The following ATP10A variants were observed in gnomAD, a reference collection of about 807,000 sequenced individuals.
ATP10A encodes the protein phospholipid-transporting ATPase VA.
Under a neutral mutation model 147.8 loss-of-function variants are expected in ATP10A, and 111 were observed. That is an observed-to-expected ratio of 0.75 (90% CI 0.64 to 0.88). The LOEUF is 0.88. Ranked by LOEUF, ATP10A falls within the 40% of genes least tolerant of loss-of-function variation. The pLI, the probability that ATP10A is intolerant of heterozygous loss-of-function variation, is 0.00. For synonymous variants in ATP10A, 875 were observed against 841.6 expected (o/e 1.04, Z -0.69); for missense variants, 1,927 against 1,959.0 (o/e 0.98, Z 0.31).
intron 1 of ATP10A, among the ~76,000 whole-genome samples, chr15:25,801,201 A>G (rs1890920540): frequency 6.6e-6 from 1 of 152,106 alleles, no homozygotes; most frequent in South Asian, 2.1e-4. Flanking sequence ...CCAAATGCCC[A>G]AGGCCACTCA....
chr15:25,673,962 T>G (rs1469400461), downstream of ATP10A, among the ~76,000 whole-genome samples: 1 of 152,158 alleles, frequency 6.6e-6, no homozygotes, highest in African/African-American at 2.4e-5. Context: ...AGTGGATATT[T>G]CCCGGCTCCA....
At chr15:25,803,175 C>G (rs897476648) in intron 1 of ATP10A, among the ~76,000 whole-genome samples, 1 of 152,164 alleles carries the variant, frequency 6.6e-6, no homozygotes, top group African/African-American at 2.4e-5. Context: ...AATAAGCAGA[C>G]AGCTGGCCAG....
intron 1 of ATP10A, among the ~76,000 whole-genome samples, chr15:25,821,833 C>A (rs1262570267): frequency 1.1e-4 from 17 of 152,178 alleles, no homozygotes; most frequent in Non-Finnish European, 5.9e-5. Flanking sequence ...CTCTGAATGG[C>A]AAAGAATCCT....
chr15:25,858,829 A>G (rs117060065), intron 1 of ATP10A, among the ~76,000 whole-genome samples: 1,936 of 152,246 alleles, frequency 0.013, 26 homozygotes, highest in Non-Finnish European at 0.014. Context: ...CTGGAGACAG[A>G]CACTGAAAGG....
intron 1 of ATP10A, among the ~76,000 whole-genome samples, chr15:25,804,438 GT>G (rs1254130233): frequency 7.5e-6 from 1 of 132,574 alleles, no homozygotes; most frequent in African/African-American, 3.5e-5. Context: ...TATGTGTGGT[GT>G]GTGTGTCTGT....
chr15:25,775,361 C>T (rs950000516), intron 2 of ATP10A, among the ~76,000 whole-genome samples: 2 of 152,184 alleles, frequency 1.3e-5, no homozygotes, highest in African/African-American at 2.4e-5. Flanking sequence ...GGGACTGACT[C>T]TCCTTTGTAA....
chr15:25,845,581 T>C (rs746520997), intron 1 of ATP10A, among the ~76,000 whole-genome samples: 11 of 152,096 alleles, frequency 7.2e-5, no homozygotes, highest in Non-Finnish European at 1.3e-4. Flanking sequence ...ACCCCACCCA[T>C]GCTGACAGCA....
intron 1 of ATP10A, among the ~76,000 whole-genome samples, chr15:25,810,895 G>A (rs926834469): frequency 2.6e-5 from 4 of 152,134 alleles, no homozygotes; most frequent in Admixed American, 1.3e-4. Flanking sequence ...GAGATCCTCA[G>A]GTGTAACCAC....
At chr15:25,763,865 A>G (rs1031763481) in intron 2 of ATP10A, among the ~76,000 whole-genome samples, 1 of 152,230 alleles carries the variant, frequency 6.6e-6, no homozygotes, top group Non-Finnish European at 1.5e-5. Flanking sequence ...GAGCTTTTCA[A>G]AAGTACATTT....
At chr15:25,786,378 A>C (rs967574213) in intron 1 of ATP10A, among the ~76,000 whole-genome samples, 1 of 152,156 alleles carries the variant, frequency 6.6e-6, no homozygotes, top group African/African-American at 2.4e-5. Context: ...ATTTTTGGAG[A>C]CAGTAACTTC....
chr15:25,754,482 G>A (rs1383171339), intron 2 of ATP10A, among the ~76,000 whole-genome samples: 4 of 152,114 alleles, frequency 2.6e-5, no homozygotes, highest in African/African-American at 9.7e-5. Flanking sequence ...ACTGCAGGAG[G>A]GCGTGAACTC....
chr15:25,837,504 A>G (rs1312175108), intron 1 of ATP10A, among the ~76,000 whole-genome samples: 1 of 152,192 alleles, frequency 6.6e-6, no homozygotes, highest in Non-Finnish European at 1.5e-5. Flanking sequence ...AGTGGGAGAA[A>G]TGCGGAGACG....
chr15:25,796,578 C>T (rs986748483), intron 1 of ATP10A, among the ~76,000 whole-genome samples: 5 of 152,172 alleles, frequency 3.3e-5, no homozygotes, highest in African/African-American at 1.2e-4. Context: ...CATGAGTCAT[C>T]GGGGAGCTGC....
At chr15:25,672,966 T>C (rs11853308), downstream of ATP10A, among the ~76,000 whole-genome samples, 71,697 of 152,018 alleles carry the variant, frequency 0.47, 17,589 homozygotes, top group East Asian at 0.71. Flanking sequence ...CCTGAGACAC[T>C]TGTACGGATG....
At chr15:25,809,148 A>ACACTGTGGGTCAGGGCTCCC in intron 1 of ATP10A, among the ~76,000 whole-genome samples, 1 of 152,274 alleles carries the variant, frequency 6.6e-6, no homozygotes, top group South Asian at 2.1e-4. Context: ...GGAAGAGTCT[A>ACACTGTGGGTCAGGGCTCCC]CACTGTGGGT....
intron 2 of ATP10A, among the ~76,000 whole-genome samples, chr15:25,769,304 G>A (rs1392235988): frequency 6.6e-6 from 1 of 151,812 alleles, no homozygotes; most frequent in Non-Finnish European, 1.5e-5. Flanking sequence ...GGCCAACATG[G>A]TGAAACCCTG....
chr15:25,824,625 ATGG>A (rs1220408532), intron 1 of ATP10A, among the ~76,000 whole-genome samples: 1 of 150,506 alleles, frequency 6.6e-6, no homozygotes, highest in Non-Finnish European at 1.5e-5. Flanking sequence ...GTCAGTGAAG[ATGG>A]TGGAGTGAAG....
intron 10 of ATP10A, chr15:25,708,592 A>ACTG: frequency 2.7e-6 from 1 of 364,088 alleles, no homozygotes; most frequent in Non-Finnish European, 5.0e-6. Context: ...AAGTACTGGG[A>ACTG]TTACAGATGT....
chr15:25,813,246 C>T (rs147917065), intron 1 of ATP10A, among the ~76,000 whole-genome samples: 1 of 152,140 alleles, frequency 6.6e-6, no homozygotes, highest in Non-Finnish European at 1.5e-5. Flanking sequence ...CTTGATCTCA[C>T]CAGTTAAGGT....
Sources: gnomAD v4.1 joint callset for allele counts (sites outside exome capture counted in the v4.1 genomes callset) on GRCh38, gnomAD v4.1.1 for gene constraint, MANE v1.5 for transcripts, NCBI Gene and HGNC (gene_info 2026-07-23, HGNC 2026-07-21) for gene names.